The following ZNF407 variants were observed in gnomAD, a reference collection of about 807,000 sequenced individuals.
The protein encoded by ZNF407 is zinc finger protein 407.
In ZNF407, 17 loss-of-function variants were observed where a neutral mutation model predicts 131.2. That is an observed-to-expected ratio of 0.13 (90% CI 0.09 to 0.19). The LOEUF (loss-of-function observed/expected upper bound fraction) is 0.19, where lower values mean the gene tolerates loss of function less well. ZNF407 is among the 10% of genes least tolerant of loss of function. ZNF407 has a pLI of 1.00. For missense variants in ZNF407, 2,681 were observed against 2,830.6 expected (o/e 0.95, Z 1.20); for synonymous variants, 1,156 against 1,062.0 (o/e 1.09, Z -1.72).
intron 3 of ZNF407, among the ~76,000 whole-genome samples, chr18:74,780,761 G>A (rs1969583672): frequency 6.6e-6 from 1 of 152,068 alleles, no homozygotes; most frequent in South Asian, 2.1e-4. Flanking sequence ...GTGTTCAGGG[G>A]TAGAATGGCA....
In ZNF407 at chr18:74,972,213, C is replaced by T. The variant is rs1003418772; in HGVS notation, c.5428+51521C>T. Among the ~76,000 whole-genome samples, 13 of 152,104 alleles carry T rather than the reference C, an allele frequency of 8.5e-5. 1 individual carries two copies. The highest frequency in any genetic ancestry group is 1.9e-4 in the East Asian group (1 of 5,186). ...TTCACTGTTGTGATTTCCAGCATCC[C>T]GAGGCCCACTCCCCTTCTCCTCCAC... On this transcript the variant is annotated intron_variant, in intron 8 of 8. Coordinates refer to ENST00000299687, the MANE Select transcript of ZNF407 (RefSeq NM_017757.3).
chr18:74,785,070 C>G (rs1969677705), intron 4 of ZNF407, among the ~76,000 whole-genome samples: 1 of 152,190 alleles, frequency 6.6e-6, no homozygotes, highest in African/African-American at 2.4e-5. Context: ...ACTCAGAAAA[C>G]TACCAAAGAA....
At chr18:74,953,565 G>A (rs573326504) in intron 8 of ZNF407, among the ~76,000 whole-genome samples, 1 of 152,204 alleles carries the variant, frequency 6.6e-6, no homozygotes, top group East Asian at 1.9e-4. Context: ...CAGCTTCCTT[G>A]AGGAGGAGCT....
chr18:74,871,424 A>G (rs557602422), intron 4 of ZNF407, among the ~76,000 whole-genome samples: 1 of 152,262 alleles, frequency 6.6e-6, no homozygotes, highest in East Asian at 1.9e-4. Flanking sequence ...TAGTACATTG[A>G]GCTGTTTTGC....
intron 4 of ZNF407, among the ~76,000 whole-genome samples, chr18:74,787,893 A>T (rs1181991351): frequency 6.6e-6 from 1 of 152,244 alleles, no homozygotes; most frequent in African/African-American, 2.4e-5. Context: ...TTGTGAAGGT[A>T]GTATTTAGGA....
chr18:74,855,378 A>G lies in ZNF407; in HGVS notation c.4878-21819A>G, dbSNP rs139517574. On this transcript the variant is annotated intron_variant, in intron 4 of 8. Transcript: ENST00000299687. ...TAATAATAAAGCAAAACGTATGTTTAAAATTGTTTAACAGTCGTTGGAAGA... is the reference window on the plus strand; with the variant it reads ...TAATAATAAAGCAAAACGTATGTTTGAAATTGTTTAACAGTCGTTGGAAGA... Among the ~76,000 whole-genome samples, 316 of 152,090 alleles carry G rather than the reference A, an allele frequency of 2.1e-3. 1 individual carries two copies. Among genetic ancestry groups the G allele is most frequent in the Middle Eastern group, 0.014 (4 of 294 alleles).
intron 4 of ZNF407, among the ~76,000 whole-genome samples, chr18:74,863,653 AG>A (rs1970969108): frequency 6.6e-6 from 1 of 152,212 alleles, no homozygotes; most frequent in Admixed American, 6.5e-5. Context: ...AGGATTTTTC[AG>A]ACTGCAGCGA....
chr18:74,704,739 T>A (rs927878880), intron 3 of ZNF407, among the ~76,000 whole-genome samples: 15 of 152,238 alleles, frequency 9.9e-5, no homozygotes, highest in Non-Finnish European at 1.9e-4. Context: ...CAAGATGTTT[T>A]CTTGCATTAG....
rs1174746094 is a variant in ZNF407, at chr18:74,734,673, G to T, written c.4803-46755G>T. Among the ~76,000 whole-genome samples, 7 of 119,006 alleles carry T rather than the reference G, an allele frequency of 5.9e-5. No homozygotes were observed. The East Asian group carries it at 9.7e-4, about 17-fold the overall frequency. The allele number at this position is 119,006 out of a possible 152,430, so 78.1% of individuals were successfully genotyped here. On this transcript the variant is annotated intron_variant, in intron 3 of 8. Coordinates refer to ENST00000299687, the MANE Select transcript of ZNF407 (RefSeq NM_017757.3). The stretch of plus-strand genomic sequence containing the variant: ...ATTATACCATTTTGAGTTTCAATTT[G>T]TGTGTGTGTGTGTGTGTGTGTGTGT...
At chr18:74,646,935 G>C (rs763420960) in intron 3 of ZNF407, among the ~76,000 whole-genome samples, 14 of 152,236 alleles carry the variant, frequency 9.2e-5, no homozygotes, top group Non-Finnish European at 1.9e-4. Context: ...CCACAGAAGG[G>C]TGGGGTCGTA....
Position 74,633,900 on chromosome 18 carries a change from G to T in ZNF407, c.2881G>T (p.Asp961Tyr). Residue 961 changes from aspartate to tyrosine, a missense_variant, in exon 2 of 9, where the codon GAT becomes TAT. Asp to Tyr is a radical substitution (Grantham distance 160). Around this residue, in one of 6 missense-constraint regions of ZNF407, gnomAD observed 1,789 missense variants for 1,748.7 expected, o/e 1.02. Coordinates refer to ENST00000299687, the MANE Select transcript of ZNF407 (RefSeq NM_017757.3). ...ACCCACCTCCGTTTTAGAGAAGCCAGATCGTGGAAACTCAATTGAAGCTGA... is the reference window on the plus strand; with the variant it reads ...ACCCACCTCCGTTTTAGAGAAGCCATATCGTGGAAACTCAATTGAAGCTGA... ...ESPTSVLEKP[D>Y]RGNSIEAEVE... 2 of 1,614,012 alleles carry T rather than the reference G, an allele frequency of 1.2e-6. No individual in the cohort carries two copies. Among genetic ancestry groups the T allele is most frequent in the Non-Finnish European group, 1.7e-6 (2 of 1,179,898 alleles).
chr18:74,622,928 GAA>G lies in ZNF407; in HGVS notation c.-53-8038_-53-8037del, dbSNP rs527341077. On this transcript the variant is annotated intron_variant, in intron 1 of 8. Transcript: ENST00000299687. Reference sequence around the variant, plus strand: ...TTAGTGTGTGAATGTCAGTATCTGTGAATGTGTGTGTATATATCTGTGTGTCA... The same window carrying G: ...TTAGTGTGTGAATGTCAGTATCTGTGTGTGTGTGTATATATCTGTGTGTCA... 2.2e-4 allele frequency among the ~76,000 whole-genome samples: 33 copies of G among 151,972 alleles called. No homozygotes were observed. The East Asian group carries it at 3.0e-3, about 14-fold the overall frequency.
intron 4 of ZNF407, among the ~76,000 whole-genome samples, chr18:74,820,736 T>G (rs1419515333): frequency 2.6e-5 from 4 of 152,214 alleles, no homozygotes; most frequent in Non-Finnish European, 2.9e-5. Context: ...GAGCCCTTGT[T>G]CTTTTCACTG....
At chr18:74,855,732 T>A (rs958012527) in intron 4 of ZNF407, among the ~76,000 whole-genome samples, 1 of 152,240 alleles carries the variant, frequency 6.6e-6, no homozygotes, top group Non-Finnish European at 1.5e-5. Context: ...TTCTGGCCTC[T>A]TGTATAATGC....
At chr18:74,951,945 A>C (rs1445577213) in intron 8 of ZNF407, among the ~76,000 whole-genome samples, 3 of 152,190 alleles carry the variant, frequency 2.0e-5, no homozygotes, top group Admixed American at 2.0e-4. Flanking sequence ...CATAGAGCAG[A>C]TGAAAACATA....
intron 4 of ZNF407, among the ~76,000 whole-genome samples, chr18:74,783,530 A>G (rs1188762319): frequency 1.3e-5 from 2 of 151,920 alleles, no homozygotes; most frequent in African/African-American, 4.8e-5. Flanking sequence ...TATATTACGA[A>G]TTTGAGAATC....
chr18:74,712,604 C>G (rs963518737), intron 3 of ZNF407, among the ~76,000 whole-genome samples: 2 of 152,202 alleles, frequency 1.3e-5, no homozygotes, highest in Non-Finnish European at 2.9e-5. Flanking sequence ...GGCTGTCTCC[C>G]TGGAGGCAGG....
At chr18:74,945,955 A>G (rs923437371) in intron 8 of ZNF407, among the ~76,000 whole-genome samples, 1 of 152,160 alleles carries the variant, frequency 6.6e-6, no homozygotes, top group Admixed American at 6.5e-5. Context: ...AAACTAAGTG[A>G]CAGGCCTCCG....
intron 3 of ZNF407, among the ~76,000 whole-genome samples, chr18:74,705,678 G>A (rs753160249): frequency 2.0e-5 from 3 of 152,026 alleles, no homozygotes; most frequent in Non-Finnish European, 1.5e-5. Context: ...CTTTATTAAC[G>A]ATTAAATAAG....
Sources: gnomAD v4.1 joint callset for allele counts (sites outside exome capture counted in the v4.1 genomes callset) on GRCh38, gnomAD v4.1.1 for gene constraint, gnomAD v4.1.1 regional missense constraint, MANE v1.5 for transcripts, NCBI Gene and HGNC (gene_info 2026-07-23, HGNC 2026-07-21) for gene names.